Variants in SOX5 observed in about 807,000 individuals in gnomAD.
SOX5 encodes the protein transcription factor SOX-5.
In SOX5, 9 loss-of-function variants were observed where a neutral mutation model predicts 92.0. The observed-to-expected ratio is 0.10, with a 90% confidence interval of 0.06 to 0.17. The LOEUF (loss-of-function observed/expected upper bound fraction) is 0.17. SOX5 is among the 10% of genes least tolerant of loss of function. The probability of loss-of-function intolerance (pLI) is 1.00; values close to 1 mark genes in which losing one functional copy is unlikely to be tolerated. For missense variants in SOX5, 642 were observed against 944.5 expected (o/e 0.68, Z 4.20); for synonymous variants, 344 against 336.3 (o/e 1.02, Z -0.25).
chr12:23,895,246 C>T (rs190847501), intron 2 of SOX5, among the ~76,000 whole-genome samples: 2 of 135,480 alleles, frequency 1.5e-5, no homozygotes, highest in East Asian at 4.2e-4. Context: ...ATTAACGAAA[C>T]AACAGTGTGA....
At chr12:23,880,732 C>T (rs572169940) in intron 2 of SOX5, among the ~76,000 whole-genome samples, 6 of 152,254 alleles carry the variant, frequency 3.9e-5, no homozygotes, top group African/African-American at 7.2e-5. Flanking sequence ...ACCAGTGGGA[C>T]GGAACAAGTA....
At chr12:23,596,206 C>G (rs1318959982) in intron 9 of SOX5, among the ~76,000 whole-genome samples, 1 of 152,178 alleles carries the variant, frequency 6.6e-6, no homozygotes, top group Non-Finnish European at 1.5e-5. Context: ...ACCCTCATGT[C>G]TACCTCTGTG....
At chr12:24,048,738 A>G (rs372066004) in intron 4 of SOX5, among the ~76,000 whole-genome samples, 1 of 152,322 alleles carries the variant, frequency 6.6e-6, no homozygotes. Flanking sequence ...ACATTACGCT[A>G]AGTGAAAGAA....
intron 2 of SOX5, among the ~76,000 whole-genome samples, chr12:24,326,781 T>TACACACAC (rs1306084119): frequency 7.1e-5 from 3 of 42,348 alleles, no homozygotes; most frequent in Non-Finnish European, 1.7e-4. Flanking sequence ...CACCCATTCA[T>TACACACAC]ACACACACAT....
intron 1 of SOX5, among the ~76,000 whole-genome samples, chr12:24,453,863 C>T (rs1028432779): frequency 6.6e-6 from 1 of 152,162 alleles, no homozygotes; most frequent in Non-Finnish European, 1.5e-5. Flanking sequence ...ACTCCATCAG[C>T]GTCTACATCT....
intron 10 of SOX5, among the ~76,000 whole-genome samples, chr12:23,565,896 G>A (rs773682240): frequency 1.3e-5 from 2 of 152,166 alleles, no homozygotes; most frequent in Non-Finnish European, 2.9e-5. Flanking sequence ...TAACCCTGCT[G>A]ACTCCGTCTC....
At chr12:24,087,868 A>G (rs1426359816) in intron 4 of SOX5, among the ~76,000 whole-genome samples, 1 of 152,058 alleles carries the variant, frequency 6.6e-6, no homozygotes, top group Non-Finnish European at 1.5e-5. Flanking sequence ...ATTTATATGA[A>G]TAACAGGAAA....
chr12:24,014,692 G>C (rs1208786330), intron 4 of SOX5, among the ~76,000 whole-genome samples: 2 of 151,978 alleles, frequency 1.3e-5, no homozygotes, highest in Non-Finnish European at 2.9e-5. Context: ...AAGTCACTTG[G>C]AAAAAAGAGT....
intron 4 of SOX5, among the ~76,000 whole-genome samples, chr12:23,989,218 C>CA (rs554892984): frequency 0.077 from 7,999 of 104,348 alleles, 269 homozygotes; most frequent in African/African-American, 0.13. Flanking sequence ...GCCAAAAATA[C>CA]AAAAAAAAAA....
At chr12:24,491,873 G>C (rs534673643) in intron 1 of SOX5, among the ~76,000 whole-genome samples, 1 of 151,580 alleles carries the variant, frequency 6.6e-6, no homozygotes, top group African/African-American at 2.4e-5. Flanking sequence ...TTGTTTTTTT[G>C]GTTTTGTTTT....
rs971728205 is a variant in SOX5, at chr12:24,393,169, A to G, written c.-250-24530T>C. 1.0e-4 allele frequency among the ~76,000 whole-genome samples: 7 copies of G among 67,468 alleles called. No homozygotes were observed. Among genetic ancestry groups the G allele is most frequent in the African/African-American group, 9.9e-4 (7 of 7,078 alleles). 44.3% of individuals were successfully genotyped at this position (67,468 alleles called of 152,430 possible). Reference sequence around the variant, plus strand: ...AAATACAGCAAAATTAGAAGCTGGCAAAAAAACAAACCCACTGCCTGGGGC... The same window carrying G: ...AAATACAGCAAAATTAGAAGCTGGCGAAAAAACAAACCCACTGCCTGGGGC... On this transcript the variant is annotated intron_variant, in intron 1 of 4. Coordinates refer to the SOX5 transcript ENST00000446891. This position sits in a 1 kb window ranked among gnomAD's most constrained non-coding sequence, Gnocchi z 5.0.
chr12:24,363,099 T>A (rs529292808), intron 2 of SOX5, among the ~76,000 whole-genome samples: 1 of 151,972 alleles, frequency 6.6e-6, no homozygotes, highest in East Asian at 1.9e-4. Flanking sequence ...ACTAACTTTA[T>A]CCTTACTGTT....
At chr12:23,820,193 T>C (rs1490349464) in intron 3 of SOX5, among the ~76,000 whole-genome samples, 1 of 152,254 alleles carries the variant, frequency 6.6e-6, no homozygotes, top group Non-Finnish European at 1.5e-5. Context: ...ATGATGAGCT[T>C]TTTTTCATGT....
chr12:24,480,240 C>T (rs975731914), intron 1 of SOX5, among the ~76,000 whole-genome samples: 3 of 152,092 alleles, frequency 2.0e-5, no homozygotes, highest in African/African-American at 4.8e-5. Flanking sequence ...ATCCCTCTTG[C>T]CATATACAAA....
chr12:24,147,983 A>G (rs997135492), intron 4 of SOX5, among the ~76,000 whole-genome samples: 24 of 152,186 alleles, frequency 1.6e-4, no homozygotes, highest in Admixed American at 1.6e-3. Context: ...AAATCATTCC[A>G]TAGATTATGA....
chr12:24,273,003 C>T (rs988242124), intron 3 of SOX5, among the ~76,000 whole-genome samples: 9 of 152,100 alleles, frequency 5.9e-5, no homozygotes, highest in African/African-American at 1.7e-4. Context: ...GATGCCAAGG[C>T]GGGTGGATCA....
intron 3 of SOX5, among the ~76,000 whole-genome samples, chr12:24,216,209 C>T (rs555921479): frequency 9.2e-5 from 14 of 152,098 alleles, no homozygotes; most frequent in Non-Finnish European, 1.9e-4. Flanking sequence ...CCCGGCCGGG[C>T]GCGGTGGCTT....
intron 4 of SOX5, among the ~76,000 whole-genome samples, chr12:24,019,511 T>C (rs1426329245): frequency 2.6e-5 from 4 of 152,344 alleles, no homozygotes. Flanking sequence ...TGTTTGTTTA[T>C]TCTAAGGCCT....
chr12:23,923,333 A>AATGAATGAATGAATGAATG (rs879944682), intron 1 of SOX5, among the ~76,000 whole-genome samples: 2 of 102,944 alleles, frequency 1.9e-5, no homozygotes, highest in Non-Finnish European at 2.3e-5. Context: ...ATGAATGAAT[A>AATGAATGAATGAATGAATG]CGTAAAAGCA....
Sources: allele counts gnomAD v4.1 joint callset (sites outside exome capture counted in the v4.1 genomes callset), GRCh38; gene constraint gnomAD v4.1.1; non-coding constraint Gnocchi (gnomAD v3.1); transcripts MANE v1.5; gene names NCBI Gene and HGNC (gene_info 2026-07-23, HGNC 2026-07-21).